Variants in VKORC1L1 observed in about 807,000 individuals in gnomAD.
VKORC1L1 encodes vitamin K epoxide reductase complex subunit 1L1, also known as vitamin K epoxide reductase complex subunit 1-like protein 1.
In VKORC1L1, 2 loss-of-function variants were observed where a neutral mutation model predicts 18.9. The ratio of observed to expected loss-of-function variants is 0.11; its 90% confidence interval spans 0.04 to 0.33. VKORC1L1 has a LOEUF of 0.33. Among genes scored for constraint, VKORC1L1 ranks in the 10% least tolerant of loss-of-function variants. The pLI is 1.00. For missense variants in VKORC1L1, 123 were observed against 224.1 expected (o/e 0.55, Z 2.88); for synonymous variants, 96 against 100.0 (o/e 0.96, Z 0.24).
In VKORC1L1 at chr7:65,955,964, C is replaced by G. The variant is rs1790288970; in HGVS notation, c.*1664C>G. The G allele has an allele frequency of 2.0e-5, 3 of 152,212 alleles. No individual in the cohort carries two copies. The allele number at this position is 152,212 out of a possible 1,614,324, so 9.4% of individuals were successfully genotyped here. A position where few individuals can be genotyped will look rare whatever the true frequency, so the allele number is the denominator to read the frequency against. On this transcript the variant is annotated 3_prime_UTR_variant, in exon 3 of 3. Transcript: ENST00000360768. ...GACTCAGAATTGATGCAACGTAGGT[C>G]TTCTGGCCCGAGGCAGGTATCAAGT...
chr7:65,947,491 T>A (rs1469524450), intron 1 of VKORC1L1, among the ~76,000 whole-genome samples: 1 of 152,068 alleles, frequency 6.6e-6, no homozygotes, highest in Non-Finnish European at 1.5e-5. Context: ...AGGTTTTTTA[T>A]TCAAAATGAA....
At chr7:65,953,987 G>A (rs1790252053) in intron 2 of VKORC1L1, 87 bp from the exon 3 acceptor site, 2 of 1,190,274 alleles carry the variant, frequency 1.7e-6, no homozygotes, top group Admixed American at 2.3e-5. Context: ...AAACACTGCA[G>A]CAAGTCACAC....
At chr7:65,952,778 CTTTTTTTT>C (rs11395208) in intron 2 of VKORC1L1, among the ~76,000 whole-genome samples, 25 of 86,604 alleles carry the variant, frequency 2.9e-4, no homozygotes, top group South Asian at 9.5e-4. Context: ...TTTTTTTTTC[CTTTTTTTT>C]TTTTTTTTTT....
intron 1 of VKORC1L1, among the ~76,000 whole-genome samples, chr7:65,914,817 A>T (rs1216688314): frequency 6.6e-6 from 1 of 152,162 alleles, no homozygotes. Context: ...CAGCCCGGGT[A>T]ACATGGCAAG....
In VKORC1L1 at chr7:65,931,183, G is replaced by GT. The variant is rs1043731660; in HGVS notation, c.195-17478dup. On this transcript the variant is annotated intron_variant, in intron 1 of 2. Coordinates refer to ENST00000360768, the MANE Select transcript of VKORC1L1 (RefSeq NM_173517.6). ...TCATGAATGATATTGGTCTGTGGTG[G>GT]TTTTTTTTTTCCTTTTTTTCTTTTA... is the stretch of plus-strand genomic sequence containing the variant. 1.0e-3 allele frequency among the ~76,000 whole-genome samples: 150 copies of GT among 148,576 alleles called. 1 individual carries two copies. The highest frequency in any genetic ancestry group is 3.5e-3 in the Middle Eastern group (1 of 286).
At chr7:65,945,139 T>C (rs546249269) in intron 1 of VKORC1L1, among the ~76,000 whole-genome samples, 350 of 151,748 alleles carry the variant, frequency 2.3e-3, no homozygotes, top group African/African-American at 8.1e-3. Flanking sequence ...CGGGTGCTAG[T>C]AATCCCAACT....
In VKORC1L1 at chr7:65,958,093, C is replaced by CACA. The variant is rs2115776103; in HGVS notation, c.*3794_*3796dup. On this transcript the variant is annotated 3_prime_UTR_variant, in exon 3 of 3. Coordinates refer to ENST00000360768, the MANE Select transcript of VKORC1L1 (RefSeq NM_173517.6). Reference sequence around the variant, plus strand: ...TCTGTCCTCGTGTCTTTTTCTCTAACACACAGTCATGGGTGAAACATTTCA... The same window carrying CACA: ...TCTGTCCTCGTGTCTTTTTCTCTAACACAACACAGTCATGGGTGAAACATTTCA... The CACA allele has an allele frequency of 1.3e-5, 2 of 152,298 alleles. 1 individual carries two copies. Among genetic ancestry groups the CACA allele is most frequent in the South Asian group, 4.1e-4 (2 of 4,828 alleles). The allele number at this position is 152,298 out of a possible 1,614,324, so 9.4% of individuals were successfully genotyped here.
intron 1 of VKORC1L1, among the ~76,000 whole-genome samples, chr7:65,942,036 C>G (rs915429748): frequency 1.9e-4 from 29 of 152,084 alleles, no homozygotes; most frequent in Non-Finnish European, 1.0e-4. Context: ...CTTCATACAC[C>G]TGTACTTTAT....
chr7:65,870,427 T>C (rs572031970), upstream of VKORC1L1, among the ~76,000 whole-genome samples: 20 of 152,158 alleles, frequency 1.3e-4, no homozygotes, highest in African/African-American at 4.8e-4. Context: ...CAAAACTCTG[T>C]CTCAAATTTA....
At chr7:65,930,031 G>A (rs970507748) in intron 1 of VKORC1L1, among the ~76,000 whole-genome samples, 2 of 152,030 alleles carry the variant, frequency 1.3e-5, no homozygotes, top group Non-Finnish European at 2.9e-5. Context: ...ATTTGTCTGT[G>A]TGTGCTATTA....
chr7:65,927,114 C>T (rs1364553388), intron 1 of VKORC1L1, among the ~76,000 whole-genome samples: 1 of 152,016 alleles, frequency 6.6e-6, no homozygotes, highest in Non-Finnish European at 1.5e-5. Flanking sequence ...TGGTGAAACC[C>T]CATCTCTACT....
rs184935010 is a variant in VKORC1L1, at chr7:65,953,620, T to C, written c.305-454T>C. 1.9e-3 allele frequency among the ~76,000 whole-genome samples: 284 copies of C among 152,274 alleles called. 3 individuals are homozygous for C. Among genetic ancestry groups the C allele is most frequent in the African/African-American group, 6.7e-3 (277 of 41,570 alleles). On this transcript the variant is annotated intron_variant, in intron 2 of 2. Transcript: ENST00000360768. ...GCTATAAAACTGGCATTTGGCTGGG[T>C]ATGGTGGCTTATGCCTGTAATCCCG...
intron 1 of VKORC1L1, among the ~76,000 whole-genome samples, chr7:65,919,944 A>G (rs1583848959): frequency 1.3e-5 from 2 of 152,022 alleles, no homozygotes; most frequent in South Asian, 4.1e-4. Context: ...TTGGATGCCC[A>G]TTTTGTTCAG....
At chr7:65,898,306 G>C (rs1015373268) in intron 1 of VKORC1L1, among the ~76,000 whole-genome samples, 2 of 151,758 alleles carry the variant, frequency 1.3e-5, no homozygotes, top group Non-Finnish European at 2.9e-5. Context: ...GGCTGGTCTT[G>C]AACTCCTGAC....
rs1325047502 is a variant in VKORC1L1 at position 65,954,347 on chromosome 7, G to A, written c.*47G>A. The A allele has an allele frequency of 6.3e-7, 1 of 1,597,608 alleles. No individual in the cohort carries two copies. Among genetic ancestry groups the A allele is most frequent in the African/African-American group, 1.3e-5 (1 of 74,346 alleles). On this transcript the variant is annotated 3_prime_UTR_variant, in exon 3 of 3. Transcript: ENST00000360768. Reference sequence around the variant, plus strand: ...ACAGTCTCAAGCCCCTTTCCATTCAGTTTATTTTGCAGCAGGTTTTTATTA... The same window carrying A: ...ACAGTCTCAAGCCCCTTTCCATTCAATTTATTTTGCAGCAGGTTTTTATTA...
intron 1 of VKORC1L1, among the ~76,000 whole-genome samples, chr7:65,940,872 C>G (rs906964060): frequency 1.3e-5 from 2 of 152,052 alleles, no homozygotes; most frequent in Admixed American, 1.3e-4. Context: ...AATTTATTTT[C>G]TACGGAATTG....
rs67153520 is a variant in VKORC1L1 at position 65,897,695 on chromosome 7, C to CT, written c.194+24146dup. Among the ~76,000 whole-genome samples the CT allele has an allele frequency of 1.0e-3, 140 of 137,680 alleles. 1 individual carries two copies. The highest frequency in any genetic ancestry group is 2.7e-3 in the South Asian group (12 of 4,428). The allele number at this position is 137,680 out of a possible 152,430, so 90.3% of individuals were successfully genotyped here. A position where few individuals can be genotyped will look rare whatever the true frequency, so the allele number is the denominator to read the frequency against. ...TGAGGGGATTTTGGAGGCTTATAAT[C>CT]TTTTTTTTTTTTTTTTAATCTCTGT... On this transcript the variant is annotated intron_variant, in intron 1 of 2. Coordinates refer to ENST00000360768, the MANE Select transcript of VKORC1L1 (RefSeq NM_173517.6).
chr7:65,951,997 A>G (rs1233139600), intron 2 of VKORC1L1, among the ~76,000 whole-genome samples: 1 of 152,196 alleles, frequency 6.6e-6, no homozygotes, highest in East Asian at 1.9e-4. Flanking sequence ...GTAGCATTTA[A>G]TGGATATCTG....
At chr7:65,910,163 A>G (rs1446035479) in intron 1 of VKORC1L1, among the ~76,000 whole-genome samples, 1 of 152,236 alleles carries the variant, frequency 6.6e-6, no homozygotes, top group East Asian at 1.9e-4. Flanking sequence ...CTTACCTTGC[A>G]GAAGCACTGA....
Sources: allele counts gnomAD v4.1 joint callset (sites outside exome capture counted in the v4.1 genomes callset), GRCh38; gene constraint gnomAD v4.1.1; transcripts MANE v1.5; gene names NCBI Gene and HGNC (gene_info 2026-07-23, HGNC 2026-07-21).